TTC38: variants seen among roughly 807,000 people sequenced by gnomAD.
The protein encoded by TTC38 is tetratricopeptide repeat protein 38.
TTC38 carries 64 observed loss-of-function variants against 64.2 expected under a neutral mutation model. The observed-to-expected ratio is 1.00, with a 90% CI of 0.81 to 1.23. The LOEUF is 1.23. Ranked by LOEUF, TTC38 falls within the 50% of genes most tolerant of loss-of-function variation. TTC38 has a pLI of 0.00. For missense variants in TTC38, 573 were observed against 615.5 expected (o/e 0.93, Z 0.73); for synonymous variants, 254 against 249.3 (o/e 1.02, Z -0.18).
Position 46,283,965 on chromosome 22 carries a change from T to TC in TTC38, c.736-8_736-7insC. The TC allele has an allele frequency of 6.3e-7, 1 of 1,586,990 alleles. No individual in the cohort carries two copies. ...TTTCATAAATTCTCTTTTTTTTTTTTTCTCCAGGACTCTGATATGTTGGCT... is the reference window on the plus strand; with the variant it reads ...TTTCATAAATTCTCTTTTTTTTTTTTCTCTCCAGGACTCTGATATGTTGGCT... On this transcript the variant is annotated splice_polypyrimidine_tract_variant and splice_region_variant and intron_variant, in intron 7 of 13. Coordinates refer to ENST00000381031, the MANE Select transcript of TTC38 (RefSeq NM_017931.4).
Position 46,281,775 on chromosome 22 carries a change from C to A in TTC38, c.735+57C>A. ...GGAAATTCAGTGCATCCCCTTGAGT[C>A]AGGCCAAGGCTTTATGGACAAGAGT... On this transcript the variant is annotated intron_variant, in intron 7 of 13. Coordinates refer to ENST00000381031, the MANE Select transcript of TTC38 (RefSeq NM_017931.4). The surrounding 1 kb of genome is among the most constrained non-coding windows in gnomAD (Gnocchi z 5.2). 6.2e-7 allele frequency: 1 copy of A among 1,607,258 alleles called. No individual in the cohort carries two copies. The highest frequency in any genetic ancestry group is 1.1e-5 in the South Asian group (1 of 90,820).
intron 5 of TTC38, among the ~76,000 whole-genome samples, chr22:46,277,465 C>G (rs181900145): frequency 6.6e-6 from 1 of 152,162 alleles, no homozygotes; most frequent in African/African-American, 2.4e-5. Context: ...ATTAGCTGGG[C>G]GAGGTGGCAT....
At chr22:46,289,368 G>T in intron 11 of TTC38, 34 bp from the exon 12 acceptor site, 1 of 1,597,668 alleles carries the variant, frequency 6.3e-7, no homozygotes. Flanking sequence ...TCTGTGATGG[G>T]CAGGCAGCTG....
chr22:46,271,811 A>G lies in TTC38; in HGVS notation c.112-524A>G, dbSNP rs1013306590. On this transcript the variant is annotated intron_variant, in intron 2 of 13. Transcript: ENST00000381031. This position sits in a 1 kb window ranked among gnomAD's most constrained non-coding sequence, Gnocchi z 5.5. ...CAGGCGTGAGCCATCGCGCCCAGCC[A>G]GAACCTGCCTTTTGATGTTTCTTTT... is the stretch of plus-strand genomic sequence containing the variant. Among the ~76,000 whole-genome samples the G allele has an allele frequency of 2.6e-5, 4 of 152,154 alleles. No homozygotes were observed. The highest frequency in any genetic ancestry group is 4.8e-5 in the African/African-American group (2 of 41,446).
In TTC38 at chr22:46,275,141, A is replaced by G; in HGVS notation, c.366-107A>G. 8.9e-7 allele frequency: 1 copy of G among 1,127,846 alleles called. No homozygotes were observed. The highest frequency in any genetic ancestry group is 1.3e-6 in the Non-Finnish European group (1 of 794,970). 69.9% of individuals were successfully genotyped at this position (1,127,846 alleles called of 1,614,324 possible). A position where few individuals can be genotyped will look rare whatever the true frequency, so the allele number is the denominator to read the frequency against. On this transcript the variant is annotated intron_variant, in intron 4 of 13. Coordinates refer to ENST00000381031, the MANE Select transcript of TTC38 (RefSeq NM_017931.4). This position sits in a 1 kb window ranked among gnomAD's most constrained non-coding sequence, Gnocchi z 4.5. ...CAGTCAGAAACTGATTTTTAAAAAA[A>G]CACATCCATGTAGACCATGACACTG...
Position 46,268,503 on chromosome 22 carries a change from G to C in TTC38, c.34-11G>C, listed in dbSNP as rs1386158229. ...GAGAAGGCACTGCTATTCCCTTCTT[G>C]CCGTCTGTAGGCCTGGAAGGATGCG... is the stretch of plus-strand genomic sequence containing the variant. On this transcript the variant is annotated splice_polypyrimidine_tract_variant and intron_variant, in intron 1 of 13. Coordinates refer to ENST00000381031, the MANE Select transcript of TTC38 (RefSeq NM_017931.4). 6.2e-7 allele frequency: 1 copy of C among 1,613,914 alleles called. No homozygotes were observed. The highest frequency in any genetic ancestry group is 1.3e-5 in the African/African-American group (1 of 74,924).
Position 46,272,229 on chromosome 22 carries a change from G to T in TTC38, c.112-106G>T. 1.2e-6 allele frequency: 1 copy of T among 820,114 alleles called. No individual in the cohort carries two copies. The highest frequency in any genetic ancestry group is 2.7e-5 in the East Asian group (1 of 37,694). 50.8% of individuals were successfully genotyped at this position (820,114 alleles called of 1,614,324 possible). On this transcript the variant is annotated intron_variant, in intron 2 of 13. Coordinates refer to ENST00000381031, the MANE Select transcript of TTC38 (RefSeq NM_017931.4). The surrounding 1 kb of genome is among the most constrained non-coding windows in gnomAD (Gnocchi z 6.4). ...TGGTCTCGAACTCCTGACCTCAGAT[G>T]TTCTGCCCGCCTCGGCCTCCCAAAG...
At chr22:46,287,427 G>C (rs1189775747) in intron 10 of TTC38, among the ~76,000 whole-genome samples, 1 of 152,254 alleles carries the variant, frequency 6.6e-6, no homozygotes, top group African/African-American at 2.4e-5. Context: ...GGCGGCACCT[G>C]CTGTGCTGTT....
intron 2 of TTC38, 190 bp downstream of exon 2, chr22:46,268,781 T>G: frequency 1.8e-4 from 92 of 510,520 alleles, no homozygotes; most frequent in East Asian, 3.7e-4. Context: ...GCCTCCCGGG[T>G]TCACGCCATT....
chr22:46,271,745 A>T lies in TTC38; in HGVS notation c.112-590A>T, dbSNP rs1936900842. ...AGGCTGGTCTCAAACTCCTGCCCTC[A>T]AGTGATCCACCCGCCTCAGTCTTCC... On this transcript the variant is annotated intron_variant, in intron 2 of 13. Transcript: ENST00000381031. The surrounding 1 kb of genome is among the most constrained non-coding windows in gnomAD (Gnocchi z 5.5). Among the ~76,000 whole-genome samples the T allele has an allele frequency of 6.6e-6, 1 of 152,156 alleles. No individual in the cohort carries two copies. The highest frequency in any genetic ancestry group is 6.5e-5 in the Admixed American group (1 of 15,274).
chr22:46,285,263 C>A lies in TTC38; in HGVS notation c.818C>A (p.Thr273Asn). 6.2e-7 allele frequency: 1 copy of A among 1,614,182 alleles called. No individual in the cohort carries two copies. Among genetic ancestry groups the A allele is most frequent in the Non-Finnish European group, 8.5e-7 (1 of 1,179,996 alleles). Residue 273 changes from threonine to asparagine, a missense_variant, in exon 9 of 14, where the codon ACC (threonine) becomes AAC (asparagine). Around this residue, in one of 3 missense-constraint regions of TTC38, gnomAD observed 371 missense variants for 381.8 expected, o/e 0.97. Coordinates refer to ENST00000381031, the MANE Select transcript of TTC38 (RefSeq NM_017931.4). ...CAGGGCGAATATGAGGCCGCGCTGA[C>A]CATCTACGATACCCACGTAAGTTGC... ...IEKGEYEAAL[T>N]IYDTHILPSL...
chr22:46,282,579 AAGCAGGGGCCATGC>A lies in TTC38; in HGVS notation c.735+864_735+877del, dbSNP rs2077542964. On this transcript the variant is annotated intron_variant, in intron 7 of 13. Transcript: ENST00000381031. This position sits in a 1 kb window ranked among gnomAD's most constrained non-coding sequence, Gnocchi z 4.4. ...AGGGAAGGGTGTGCACTTGGCTCCC[AAGCAGGGGCCATGC>A]AGTCTGAGCCTTGCTGCGGAGGATC... 6.6e-6 allele frequency among the ~76,000 whole-genome samples: 1 copy of A among 152,144 alleles called. No individual in the cohort carries two copies. The highest frequency in any genetic ancestry group is 1.5e-5 in the Non-Finnish European group (1 of 68,010).
At chr22:46,277,042 T>TACAC (rs1478498696) in intron 5 of TTC38, among the ~76,000 whole-genome samples, 3 of 71,382 alleles carry the variant, frequency 4.2e-5, no homozygotes, top group African/African-American at 1.6e-4. Flanking sequence ...TACATATATA[T>TACAC]ACATACACAC....
chr22:46,273,788 TG>T lies in TTC38; in HGVS notation c.194-108del. 2 of 1,078,570 alleles carry T rather than the reference TG, an allele frequency of 1.9e-6. No individual in the cohort carries two copies. The highest frequency in any genetic ancestry group is 2.7e-6 in the Non-Finnish European group (2 of 742,134). 66.8% of individuals were successfully genotyped at this position (1,078,570 alleles called of 1,614,324 possible). The stretch of plus-strand genomic sequence containing the variant: ...CCACAGTGCCCAGCCTGCTGCTGCC[TG>T]GCTGGCCCCTCCTGGGACGTGGGGT... On this transcript the variant is annotated intron_variant, in intron 3 of 13. Transcript: ENST00000381031. The surrounding 1 kb of genome is among the most constrained non-coding windows in gnomAD (Gnocchi z 5.1).
rs1275926514 is a variant in TTC38 at position 46,268,537 on chromosome 22, G to A, written c.57G>A (p.Pro19=). 3.7e-6 allele frequency: 6 copies of A among 1,613,882 alleles called. No individual in the cohort carries two copies. In the African/African-American group the frequency reaches 4.0e-5, roughly 11 times the overall value. The change falls in exon 2 of 14, where the codon CCG becomes CCA. Residue 19 remains proline, a synonymous_variant. Transcript: ENST00000381031. ...AGGCCTGGAAGGATGCGAGGCTCCCGCTCTCCACCACAAGCAACGAAGCCT... is the reference window on the plus strand; with the variant it reads ...AGGCCTGGAAGGATGCGAGGCTCCCACTCTCCACCACAAGCAACGAAGCCT... ...DCQAWKDARL[P]LSTTSNEACK... is the part of the protein sequence containing the mutation.
intron 13 of TTC38, among the ~76,000 whole-genome samples, chr22:46,290,208 C>T (rs534661769): frequency 3.9e-5 from 6 of 152,196 alleles, no homozygotes; most frequent in Non-Finnish European, 8.8e-5. Context: ...GCTTGGAACA[C>T]CCTTTCTCCT....
chr22:46,283,025 C>T (rs1276930613), intron 7 of TTC38, among the ~76,000 whole-genome samples: 2 of 152,196 alleles, frequency 1.3e-5, no homozygotes, highest in Non-Finnish European at 1.5e-5. Flanking sequence ...ACCGCCTGGG[C>T]TCAAGCGATC....
chr22:46,285,779 G>A (rs995733192), intron 9 of TTC38, among the ~76,000 whole-genome samples: 3 of 152,046 alleles, frequency 2.0e-5, no homozygotes, highest in South Asian at 2.1e-4. Context: ...TTGGGAGTCC[G>A]AGGCAGGTGG....
chr22:46,273,582 T>C lies in TTC38; in HGVS notation c.194-316T>C, dbSNP rs563856321. 6.6e-5 allele frequency among the ~76,000 whole-genome samples: 10 copies of C among 152,336 alleles called. No homozygotes were observed. In the East Asian group the frequency reaches 1.9e-3, roughly 29 times the overall value. The stretch of plus-strand genomic sequence containing the variant: ...AGCCGTGTGCTGGCTGTGGCGGTAG[T>C]GTCAGCTGATGAGCCTGCAGGCAGC... On this transcript the variant is annotated intron_variant, in intron 3 of 13. Coordinates refer to ENST00000381031, the MANE Select transcript of TTC38 (RefSeq NM_017931.4). This position sits in a 1 kb window ranked among gnomAD's most constrained non-coding sequence, Gnocchi z 5.1.
Sources: gnomAD v4.1 joint callset for allele counts (sites outside exome capture counted in the v4.1 genomes callset) on GRCh38, gnomAD v4.1.1 for gene constraint, gnomAD v4.1.1 regional missense constraint, Gnocchi (gnomAD v3.1) non-coding constraint, MANE v1.5 for transcripts, NCBI Gene and HGNC (gene_info 2026-07-23, HGNC 2026-07-21) for gene names.